Variants in SLC23A2 observed in about 807,000 individuals in gnomAD.
SLC23A2 encodes the protein Na(+)/L-ascorbic acid transporter 2.
In SLC23A2, 36 loss-of-function variants were observed where a neutral mutation model predicts 73.3. The ratio of observed to expected loss-of-function variants is 0.49; its 90% CI spans 0.38 to 0.65. The LOEUF is 0.65. SLC23A2 is among the 30% of genes least tolerant of loss of function. The probability of loss-of-function intolerance (pLI) is 0.00; values close to 1 mark genes in which losing one functional copy is unlikely to be tolerated. For synonymous variants in SLC23A2, 343 were observed against 327.3 expected (o/e 1.05, Z -0.52); for missense variants, 507 against 841.6 (o/e 0.60, Z 4.92).
Position 5,007,228 on chromosome 20 carries a change from T to C in SLC23A2, c.-282+2954A>G, listed in dbSNP as rs371092684. Among the ~76,000 whole-genome samples, 12 of 152,110 alleles carry C rather than the reference T, an allele frequency of 7.9e-5. No individual in the cohort carries two copies. The South Asian group carries it at 2.5e-3, about 32-fold the overall frequency. ...TTTAAGGTATACATTTTAGAATATA[T>C]CATTTAAAGTAAACAATTGTGGCCA... On this transcript the variant is annotated intron_variant, in intron 1 of 16. Coordinates refer to the SLC23A2 transcript ENST00000379333.
chr20:4,926,510 CTTT>C (rs3055953), intron 3 of SLC23A2, among the ~76,000 whole-genome samples: 4 of 105,046 alleles, frequency 3.8e-5, no homozygotes, highest in Non-Finnish European at 3.9e-5. Context: ...ATTTTTTTTG[CTTT>C]TTTTTTTTTT....
chr20:4,931,650 T>C (rs961943355), intron 3 of SLC23A2, among the ~76,000 whole-genome samples: 1 of 151,840 alleles, frequency 6.6e-6, no homozygotes, highest in Non-Finnish European at 1.5e-5. Context: ...ACACCTATAG[T>C]CCCAGCTACT....
At chr20:4,985,689 C>A (rs2087814040) in intron 1 of SLC23A2, among the ~76,000 whole-genome samples, 1 of 152,146 alleles carries the variant, frequency 6.6e-6, no homozygotes, top group South Asian at 2.1e-4. Context: ...CTCAGGTGAT[C>A]CCCCCACCTT....
rs529385787 is a variant in SLC23A2 at position 4,886,415 on chromosome 20, T to C, written c.483-506A>G. 4.6e-4 allele frequency among the ~76,000 whole-genome samples: 70 copies of C among 152,282 alleles called. 1 individual carries two copies. In the East Asian group the frequency reaches 8.7e-3, roughly 19 times the overall value. ...GATTACAGATAAATCATAATAGTGA[T>C]CTAGATCTACAGAGCTGTAAGTTAC... On this transcript the variant is annotated intron_variant, in intron 6 of 16. Transcript: ENST00000338244.
intron 1 of SLC23A2, among the ~76,000 whole-genome samples, chr20:5,009,939 C>T (rs1390890499): frequency 6.6e-6 from 1 of 151,844 alleles, no homozygotes. Flanking sequence ...ACTAAAATTA[C>T]AAAAAATTAG....
chr20:4,942,096 T>TCC (rs2087050686), intron 2 of SLC23A2, among the ~76,000 whole-genome samples: 1 of 152,140 alleles, frequency 6.6e-6, no homozygotes, highest in South Asian at 2.1e-4. Context: ...CTCCTCAGAC[T>TCC]CAAGTCCAGG....
At chr20:4,933,690 A>G (rs1932814147) in intron 2 of SLC23A2, among the ~76,000 whole-genome samples, 1 of 152,180 alleles carries the variant, frequency 6.6e-6, no homozygotes. Flanking sequence ...GCATACATAC[A>G]ATGAAATATG....
chr20:4,990,430 C>T (rs2087906630), intron 1 of SLC23A2, among the ~76,000 whole-genome samples: 2 of 151,854 alleles, frequency 1.3e-5, no homozygotes, highest in African/African-American at 2.4e-5. Flanking sequence ...AATGCAGTGG[C>T]GCGATCTCGA....
chr20:4,901,981 T>A (rs144714015), intron 5 of SLC23A2, among the ~76,000 whole-genome samples: 20 of 152,338 alleles, frequency 1.3e-4, no homozygotes, highest in African/African-American at 4.1e-4. Flanking sequence ...CCTGTTCTTT[T>A]CTTCCTCCTG....
rs1930472207 is a variant in SLC23A2, at chr20:4,872,146, C to T, written c.1102+1790G>A. 6.6e-6 allele frequency among the ~76,000 whole-genome samples: 1 copy of T among 152,072 alleles called. No homozygotes were observed. The highest frequency in any genetic ancestry group is 2.4e-5 in the African/African-American group (1 of 41,404). ...CCTCAGCACTGTTGACATTTTGCAC[C>T]AGAAATCTGTATTATATTAACAATC... On this transcript the variant is annotated intron_variant, in intron 11 of 16. Transcript: ENST00000338244. The surrounding 1 kb of genome is among the most constrained non-coding windows in gnomAD (Gnocchi z 4.4).
At chr20:4,886,868 G>C (rs1411885907) in intron 6 of SLC23A2, among the ~76,000 whole-genome samples, 2 of 152,142 alleles carry the variant, frequency 1.3e-5, no homozygotes, top group Non-Finnish European at 2.9e-5. Context: ...CAGCGAGACA[G>C]GGACCCAGCA....
At chr20:5,004,790 G>A (rs554783789), upstream of SLC23A2, among the ~76,000 whole-genome samples, 60 of 152,076 alleles carry the variant, frequency 3.9e-4, no homozygotes, top group East Asian at 8.3e-3. Flanking sequence ...ACCTGAGGTC[G>A]GGAGTTCGAG....
intron 7 of SLC23A2, among the ~76,000 whole-genome samples, chr20:4,885,240 G>A (rs1354309860): frequency 6.6e-6 from 1 of 152,154 alleles, no homozygotes; most frequent in Non-Finnish European, 1.5e-5. Context: ...CTAGGAGCAA[G>A]GAAGGAAATG....
chr20:4,886,350 C>T (rs1931095772), intron 6 of SLC23A2, among the ~76,000 whole-genome samples: 1 of 152,178 alleles, frequency 6.6e-6, no homozygotes, highest in Non-Finnish European at 1.5e-5. Flanking sequence ...AATTTCCCTC[C>T]GTTGTTTCAT....
chr20:4,911,788 A>AAAAAAAG (rs1932158355), intron 4 of SLC23A2, among the ~76,000 whole-genome samples: 1 of 152,128 alleles, frequency 6.6e-6, no homozygotes, highest in Non-Finnish European at 1.5e-5. Flanking sequence ...AGATACAAAG[A>AAAAAAAG]AAAAAAGAAA....
At chr20:4,885,398 GAA>G (rs1931058092) in intron 7 of SLC23A2, among the ~76,000 whole-genome samples, 1 of 152,214 alleles carries the variant, frequency 6.6e-6, no homozygotes, top group African/African-American at 2.4e-5. Context: ...GAAGGGGAAT[GAA>G]AGTCATTTGC....
chr20:4,873,689 A>G lies in SLC23A2; in HGVS notation c.1102+247T>C, dbSNP rs114537722. On this transcript the variant is annotated intron_variant, in intron 11 of 16. Coordinates refer to ENST00000338244, the MANE Select transcript of SLC23A2 (RefSeq NM_005116.6). ...CCTGGCAAGAGACCCCTTGTCCAGG[A>G]TTTCATCCTAGCAGATCCAAAAGAG... Among the ~76,000 whole-genome samples, 347 of 152,262 alleles carry G rather than the reference A, an allele frequency of 2.3e-3. 1 individual carries two copies. The highest frequency in any genetic ancestry group is 8.1e-3 in the African/African-American group (336 of 41,550).
chr20:4,963,400 C>A (rs1195854682), intron 2 of SLC23A2, among the ~76,000 whole-genome samples: 1 of 152,148 alleles, frequency 6.6e-6, no homozygotes, highest in East Asian at 1.9e-4. Flanking sequence ...GGTGCTCTGG[C>A]ATGCTGGCTT....
At chr20:5,001,091 G>T (rs1034059962) in intron 1 of SLC23A2, among the ~76,000 whole-genome samples, 3 of 151,976 alleles carry the variant, frequency 2.0e-5, no homozygotes, top group Non-Finnish European at 4.4e-5. Flanking sequence ...CCCGCTGCGC[G>T]GCCTGAGGGC....
Sources: allele counts gnomAD v4.1 joint callset (sites outside exome capture counted in the v4.1 genomes callset), GRCh38; gene constraint gnomAD v4.1.1; non-coding constraint Gnocchi (gnomAD v3.1); transcripts MANE v1.5; gene names NCBI Gene and HGNC (gene_info 2026-07-23, HGNC 2026-07-21).